Variants in ABL2 observed in about 807,000 individuals in gnomAD.
ABL2 encodes tyrosine-protein kinase ABL2.
In ABL2, 49 loss-of-function variants were observed where a neutral mutation model predicts 107.7. The ratio of observed to expected loss-of-function variants is 0.45; its 90% CI spans 0.36 to 0.58. The LOEUF (loss-of-function observed/expected upper bound fraction) is 0.58. ABL2 is among the 20% of genes least tolerant of loss of function. ABL2 has a pLI of 0.00. For synonymous variants in ABL2, 549 were observed against 548.6 expected, an observed-to-expected ratio of 1.00 and a Z score of -0.01; for missense variants, 1,245 against 1,457.0, an observed-to-expected ratio of 0.85 and a Z score of 2.37.
At chr1:179,162,724 A>G (rs562321410) in intron 1 of ABL2, among the ~76,000 whole-genome samples, 4 of 152,352 alleles carry the variant, frequency 2.6e-5, no homozygotes, top group African/African-American at 9.6e-5. Flanking sequence ...GACTCTTGAG[A>G]TAAGAACTGA....
At chr1:179,161,764 G>A (rs1659082341) in intron 1 of ABL2, among the ~76,000 whole-genome samples, 1 of 152,196 alleles carries the variant, frequency 6.6e-6, no homozygotes, top group Non-Finnish European at 1.5e-5. Flanking sequence ...ACATGCTGCT[G>A]TGGTTTGAAT....
At chr1:179,221,139 G>GA in intron 1 of ABL2, 1 of 243,276 alleles carries the variant, frequency 4.1e-6, no homozygotes, top group Admixed American at 4.0e-5. Context: ...TACTTGGGGT[G>GA]AAAAAAGTCT....
chr1:179,122,169 C>A (rs562575568), intron 4 of ABL2, among the ~76,000 whole-genome samples: 1 of 151,626 alleles, frequency 6.6e-6, no homozygotes, highest in East Asian at 1.9e-4. Flanking sequence ...CGGCCTCAGC[C>A]TCCCAAAGTG....
rs1025192904 is a variant in ABL2, at chr1:179,104,046, GTTTGT to G, written c.*3667_*3671del. 20 of 233,160 alleles carry G rather than the reference GTTTGT, an allele frequency of 8.6e-5. No homozygotes were observed. The highest frequency in any genetic ancestry group is 3.7e-4 in the African/African-American group (17 of 45,402). The allele number at this position is 233,160 out of a possible 1,614,324, so 14.4% of individuals were successfully genotyped here. A position where few individuals can be genotyped will look rare whatever the true frequency, so the allele number is the denominator to read the frequency against. On this transcript the variant is annotated 3_prime_UTR_variant, in exon 12 of 12. Coordinates refer to ENST00000502732, the MANE Select transcript of ABL2 (RefSeq NM_007314.4). Reference sequence around the variant, plus strand: ...TGGGGCTATTCCGTCAGTTTTTTTTGTTTGTTTTGTTTTGTTTTTTAACCCTAGGG... The same window carrying G: ...TGGGGCTATTCCGTCAGTTTTTTTTGTTTGTTTTGTTTTTTAACCCTAGGG...
At chr1:179,218,685 A>G (rs189900787) in intron 1 of ABL2, among the ~76,000 whole-genome samples, 20 of 152,326 alleles carry the variant, frequency 1.3e-4, no homozygotes, top group African/African-American at 4.8e-4. Flanking sequence ...GGCGTGAGCC[A>G]CCACACCAGG....
chr1:179,227,901 A>T (rs961441757), intron 1 of ABL2, among the ~76,000 whole-genome samples: 15 of 151,918 alleles, frequency 9.9e-5, no homozygotes, highest in African/African-American at 3.6e-4. Flanking sequence ...AACACAAAAA[A>T]TTAGCCGGGT....
chr1:179,205,725 G>T (rs1218117161), intron 1 of ABL2, among the ~76,000 whole-genome samples: 1 of 152,202 alleles, frequency 6.6e-6, no homozygotes, highest in Non-Finnish European at 1.5e-5. Flanking sequence ...GGGCGGGTAA[G>T]GGGGATTGTT....
intron 1 of ABL2, among the ~76,000 whole-genome samples, chr1:179,151,525 A>G (rs986373023): frequency 6.6e-6 from 1 of 152,208 alleles, no homozygotes; most frequent in Non-Finnish European, 1.5e-5. Flanking sequence ...TACAGAATCA[A>G]TGCTTCCAAT....
chr1:179,198,167 T>C (rs1332910132), intron 1 of ABL2, among the ~76,000 whole-genome samples: 1 of 138,994 alleles, frequency 7.2e-6, no homozygotes, highest in Non-Finnish European at 1.5e-5. Flanking sequence ...AGTGAAACCC[T>C]GTGCCAAAAA....
Position 179,101,854 on chromosome 1 carries a change from G to A in ABL2, c.*5864C>T. 1 of 190,106 alleles carries A rather than the reference G, an allele frequency of 5.3e-6. No individual in the cohort carries two copies. The highest frequency in any genetic ancestry group is 1.1e-5 in the Non-Finnish European group (1 of 90,512). The allele number at this position is 190,106 out of a possible 1,614,324, so 11.8% of individuals were successfully genotyped here. ...TCCCACAGCCCTGAATCCCACCCAT[G>A]CTTCTCAGTAAGAGAGGAGCGTAGG... On this transcript the variant is annotated 3_prime_UTR_variant, in exon 12 of 12. Transcript: ENST00000502732.
intron 1 of ABL2, among the ~76,000 whole-genome samples, chr1:179,173,538 G>A (rs1193007084): frequency 6.9e-6 from 1 of 144,172 alleles, no homozygotes; most frequent in Non-Finnish European, 1.5e-5. Context: ...TTTTGGTAGA[G>A]AGGGGGTTTC....
chr1:179,222,373 G>A (rs1435865757), intron 1 of ABL2, among the ~76,000 whole-genome samples: 3 of 151,978 alleles, frequency 2.0e-5, no homozygotes, highest in Non-Finnish European at 2.9e-5. Flanking sequence ...GGGATTACAG[G>A]TGCCCGCCAC....
intron 3 of ABL2, among the ~76,000 whole-genome samples, chr1:179,128,043 A>G (rs1655909227): frequency 6.6e-6 from 1 of 151,954 alleles, no homozygotes; most frequent in East Asian, 1.9e-4. Flanking sequence ...AAAAAAAAAA[A>G]AAAGCACATG....
chr1:179,135,337 C>T (rs1247818902), intron 1 of ABL2, among the ~76,000 whole-genome samples: 1 of 151,974 alleles, frequency 6.6e-6, no homozygotes, highest in Non-Finnish European at 1.5e-5. Context: ...AGCGTCTCTG[C>T]CCGGCCGCCC....
intron 1 of ABL2, among the ~76,000 whole-genome samples, chr1:179,136,624 G>C (rs1169890032): frequency 7.4e-5 from 11 of 148,788 alleles, no homozygotes; most frequent in Non-Finnish European, 1.5e-4. Context: ...TTGTTCACTT[G>C]TTTATCTGCT....
intron 1 of ABL2, 152 bp downstream of exon 1, chr1:179,229,089 C>T (rs1201313553): frequency 9.8e-7 from 1 of 1,015,268 alleles, no homozygotes; most frequent in East Asian, 3.1e-5. Flanking sequence ...GACTCGCCTC[C>T]CAGGACTGGA....
Position 179,121,986 on chromosome 1 carries a change from C to T in ABL2, c.688-119G>A, listed in dbSNP as rs371674547. 2.1e-4 allele frequency: 216 copies of T among 1,004,714 alleles called. No homozygotes were observed. In the East Asian group the frequency reaches 4.3e-3, roughly 20 times the overall value. The allele number at this position is 1,004,714 out of a possible 1,614,324, so 62.2% of individuals were successfully genotyped here. A position where few individuals can be genotyped will look rare whatever the true frequency, so the allele number is the denominator to read the frequency against. ...TGTCACCCAGGCTGGAGTGCACTGG[C>T]GCGATCTCGGCTCACTGCAAGCTCC... On this transcript the variant is annotated intron_variant, in intron 4 of 11. Coordinates refer to ENST00000502732, the MANE Select transcript of ABL2 (RefSeq NM_007314.4).
chr1:179,192,220 C>T (rs1185511307), intron 1 of ABL2, among the ~76,000 whole-genome samples: 1 of 152,150 alleles, frequency 6.6e-6, no homozygotes, highest in Admixed American at 6.6e-5. Context: ...GTAGATATGG[C>T]TGGCATCTTG....
chr1:179,179,977 T>C (rs567724051), intron 1 of ABL2, among the ~76,000 whole-genome samples: 3 of 150,452 alleles, frequency 2.0e-5, no homozygotes, highest in African/African-American at 7.3e-5. Context: ...CAGGTGTTGG[T>C]GGCACACGCC....
Sources: allele counts gnomAD v4.1 joint callset (sites outside exome capture counted in the v4.1 genomes callset), GRCh38; gene constraint gnomAD v4.1.1; transcripts MANE v1.5; gene names NCBI Gene and HGNC (gene_info 2026-07-23, HGNC 2026-07-21).